The following LIG1 variants were observed in gnomAD, a reference collection of about 807,000 sequenced individuals.
LIG1 encodes DNA ligase 1, also known as ligase I, DNA, ATP-dependent.
LIG1 carries 70 observed loss-of-function variants against 115.7 expected under a neutral mutation model. The observed-to-expected ratio is 0.60, with a 90% confidence interval of 0.50 to 0.74. The LOEUF (loss-of-function observed/expected upper bound fraction) is 0.74. Ranked by LOEUF, LIG1 falls within the 30% of genes least tolerant of loss-of-function variation. The probability of loss-of-function intolerance (pLI) is 0.00; values close to 1 mark genes in which losing one functional copy is unlikely to be tolerated. For missense variants in LIG1, 1,115 were observed against 1,225.6 expected (o/e 0.91, Z 1.35); for synonymous variants, 487 against 495.3 (o/e 0.98, Z 0.22).
intron 6 of LIG1, among the ~76,000 whole-genome samples, chr19:48,152,687 G>A (rs775821156): frequency 8.5e-5 from 13 of 152,110 alleles, no homozygotes; most frequent in African/African-American, 3.1e-4. Flanking sequence ...CTACTAGTTC[G>A]AGGTATTTCA....
At chr19:48,127,585 T>G (rs1048573929) in intron 20 of LIG1, 2 of 610,760 alleles carry the variant, frequency 3.3e-6, no homozygotes, top group Non-Finnish European at 5.9e-6. Context: ...CTGCAGCTAA[T>G]GGCAGTGACA....
chr19:48,135,983 A>C, intron 15 of LIG1, 51 bp downstream of exon 15: 1 of 1,387,926 alleles, frequency 7.2e-7, no homozygotes, highest in South Asian at 1.2e-5. Flanking sequence ...GGAGGGGGGA[A>C]GCCTGAGGTA....
intron 9 of LIG1, among the ~76,000 whole-genome samples, chr19:48,148,826 T>C (rs1164132482): frequency 1.3e-5 from 2 of 152,210 alleles, no homozygotes; most frequent in African/African-American, 4.8e-5. Flanking sequence ...AGTGAAGCAA[T>C]TAATTGCTTA....
At position 48,115,585 on chromosome 19, in the gene LIG1, G is replaced by A; in HGVS notation, c.*64C>T. ...ACAGCAGATTTGCTAAAAAGCAAAG[G>A]CAATAATAACCCTGGGGTCCGTCCA... On this transcript the variant is annotated 3_prime_UTR_variant, in exon 28 of 28. Transcript: ENST00000263274. 1 of 1,227,320 alleles carries A rather than the reference G, an allele frequency of 8.1e-7. No individual in the cohort carries two copies. Among genetic ancestry groups the A allele is most frequent in the Non-Finnish European group, 1.2e-6 (1 of 831,640 alleles). 76.0% of individuals were successfully genotyped at this position (1,227,320 alleles called of 1,614,324 possible).
chr19:48,125,222 T>C (rs1270209943), intron 21 of LIG1, among the ~76,000 whole-genome samples: 1 of 152,176 alleles, frequency 6.6e-6, no homozygotes, highest in African/African-American at 2.4e-5. Context: ...ATATTTGAAA[T>C]GCTCATGGGA....
At position 48,137,063 on chromosome 19, in the gene LIG1, T is replaced by G. The variant is rs2034438930; in HGVS notation, c.1276A>C (p.Ile426Leu). 6.2e-7 allele frequency: 1 copy of G among 1,612,850 alleles called. No individual in the cohort carries two copies. Residue 426 changes from isoleucine (I) to leucine (L), a missense_variant, in exon 14 of 28, where the codon ATC becomes CTC. Physicochemically the swap from Ile to Leu is conservative, Grantham distance 5. Coordinates refer to ENST00000263274, the MANE Select transcript of LIG1 (RefSeq NM_000234.3). This position sits in a 1 kb window ranked among gnomAD's most constrained non-coding sequence, Gnocchi z 4.3. ...GSASTAKKIDIIKGLFVACRH... is the reference protein window; with the variant it reads ...GSASTAKKIDLIKGLFVACRH... ...CAGGCCACAAAGAGGCCTTTGATGA[T>G]GTCTATCTTCTTGGCTGTGGACTGG... is the stretch of plus-strand genomic sequence containing the variant.
chr19:48,168,066 CA>C (rs2036575769), intron 1 of LIG1, among the ~76,000 whole-genome samples: 1 of 152,136 alleles, frequency 6.6e-6, no homozygotes, highest in Admixed American at 6.6e-5. Context: ...TGACTCTCCA[CA>C]ACAACTCTGT....
intron 2 of LIG1, among the ~76,000 whole-genome samples, chr19:48,165,048 C>T (rs2036403546): frequency 6.6e-6 from 1 of 152,188 alleles, no homozygotes; most frequent in African/African-American, 2.4e-5. Context: ...ATCACGAGGT[C>T]AGGAGTTTGA....
rs867588875 is a variant in LIG1, at chr19:48,170,324, G to A, written c.-141C>T. The A allele has an allele frequency of 4.5e-6, 2 of 445,254 alleles. No homozygotes were observed. The highest frequency in any genetic ancestry group is 7.6e-5 in the East Asian group (1 of 13,176). The allele number at this position is 445,254 out of a possible 1,614,324, so 27.6% of individuals were successfully genotyped here. On this transcript the variant is annotated 5_prime_UTR_variant, in exon 1 of 28. Transcript: ENST00000263274. Reference sequence around the variant, plus strand: ...CTCTGCAGTCCCAAGTTCGCGCCACGGCATTCGCGCGCAGACGTCTGCGGG... The same window carrying A: ...CTCTGCAGTCCCAAGTTCGCGCCACAGCATTCGCGCGCAGACGTCTGCGGG...
intron 9 of LIG1, among the ~76,000 whole-genome samples, chr19:48,146,547 G>A (rs571553383): frequency 6.6e-6 from 1 of 152,332 alleles, no homozygotes; most frequent in African/African-American, 2.4e-5. Context: ...GGGCATGGTG[G>A]CGCATGCCTG....
chr19:48,156,116 C>T (rs2035819401), intron 5 of LIG1, among the ~76,000 whole-genome samples: 1 of 152,154 alleles, frequency 6.6e-6, no homozygotes, highest in Non-Finnish European at 1.5e-5. Context: ...TTTTCCAGGA[C>T]CTTCTCACCT....
rs1158317024 is a variant in LIG1, at chr19:48,154,216, CCCA to C, written c.371-252_371-250del. ...TCACGACTGCAGAATAGAAATAATC[CCCA>C]CGAGTAAACAATGATGTAATGTACT... On this transcript the variant is annotated intron_variant, in intron 5 of 27. Coordinates refer to ENST00000263274, the MANE Select transcript of LIG1 (RefSeq NM_000234.3). 12 of 497,610 alleles carry C rather than the reference CCCA, an allele frequency of 2.4e-5. No individual in the cohort carries two copies. The Admixed American group carries it at 3.3e-4, about 14-fold the overall frequency. The allele number at this position is 497,610 out of a possible 1,614,324, so 30.8% of individuals were successfully genotyped here.
At chr19:48,152,022 C>G (rs947105031) in intron 6 of LIG1, among the ~76,000 whole-genome samples, 3 of 152,140 alleles carry the variant, frequency 2.0e-5, no homozygotes, top group Non-Finnish European at 4.4e-5. Context: ...AAAAATCTGC[C>G]TTAGTAGAAA....
intron 25 of LIG1, 72 bp downstream of exon 25, chr19:48,119,065 G>T: frequency 1.6e-6 from 2 of 1,259,616 alleles, no homozygotes; most frequent in Non-Finnish European, 2.3e-6. Context: ...CAAGAGCCCT[G>T]CATGGAAGGA....
chr19:48,140,378 A>G (rs531155360), intron 11 of LIG1, among the ~76,000 whole-genome samples: 11 of 152,292 alleles, frequency 7.2e-5, no homozygotes, highest in African/African-American at 2.6e-4. Flanking sequence ...GAAAGAAATC[A>G]CACCTAACCG....
At chr19:48,154,573 G>A (rs977949750) in intron 5 of LIG1, 1 of 172,242 alleles carries the variant, frequency 5.8e-6, no homozygotes, top group African/African-American at 2.4e-5. Context: ...ATCACCCTCT[G>A]TTCCCTGCAC....
At position 48,123,210 on chromosome 19, in the gene LIG1, C is replaced by G. The variant is rs140821248; in HGVS notation, c.2113G>C (p.Glu705Gln). Residue 705 changes from glutamate to glutamine, a missense_variant, in exon 22 of 28, where the codon GAG becomes CAG. Coordinates refer to ENST00000263274, the MANE Select transcript of LIG1 (RefSeq NM_000234.3). ...FATSLDTKDI[E>Q]QIAEFLEQSV... ...TGCTCCAGGAACTCGGCGATCTGCT[C>G]GATGTCCTTGGTGTCCAGGGAGGTG... The G allele has an allele frequency of 3.7e-6, 6 of 1,614,104 alleles. No homozygotes were observed. The highest frequency in any genetic ancestry group is 5.1e-6 in the Non-Finnish European group (6 of 1,180,028).
chr19:48,156,440 G>A (rs1049237918), intron 5 of LIG1, among the ~76,000 whole-genome samples: 3 of 152,168 alleles, frequency 2.0e-5, no homozygotes, highest in Non-Finnish European at 4.4e-5. Context: ...CAGCGTACAC[G>A]TGTTATCTTC....
intron 12 of LIG1, 93 bp downstream of exon 12, chr19:48,139,878 C>A: frequency 7.0e-7 from 1 of 1,428,286 alleles, no homozygotes; most frequent in African/African-American, 1.4e-5. Context: ...GTTTCACAGC[C>A]TCTCTCCACC....
Sources: gnomAD v4.1 joint callset for allele counts (sites outside exome capture counted in the v4.1 genomes callset) on GRCh38, gnomAD v4.1.1 for gene constraint, Gnocchi (gnomAD v3.1) non-coding constraint, MANE v1.5 for transcripts, NCBI Gene and HGNC (gene_info 2026-07-23, HGNC 2026-07-21) for gene names.